The following MAP6 variants were observed in gnomAD, a reference collection of about 807,000 sequenced individuals.
MAP6 encodes the protein microtubule associated protein 6.
In MAP6, 26 loss-of-function variants were observed where a neutral mutation model predicts 42.4. The observed-to-expected ratio is 0.61, with a 90% CI of 0.45 to 0.85. The LOEUF (loss-of-function observed/expected upper bound fraction) is 0.85, where lower values mean the gene tolerates loss of function less well. Among genes scored for constraint, MAP6 ranks in the 40% least tolerant of loss-of-function variants. The pLI, the probability that MAP6 is intolerant of heterozygous loss-of-function variation, is 0.00. For missense variants in MAP6, 966 were observed against 1,099.0 expected, an observed-to-expected ratio of 0.88 and a Z score of 1.71; for synonymous variants, 418 against 443.8, an observed-to-expected ratio of 0.94 and a Z score of 0.73.
chr11:75,648,419 C>A (rs1943596179), intron 1 of MAP6, among the ~76,000 whole-genome samples: 1 of 152,066 alleles, frequency 6.6e-6, no homozygotes, highest in African/African-American at 2.4e-5. Context: ...GATTGCTTGA[C>A]CCTGGAAGGT....
At position 75,587,364 on chromosome 11, in the gene MAP6, C is replaced by T. The variant is rs778895817; in HGVS notation, c.2137G>A (p.Val713Met). The T allele has an allele frequency of 3.5e-5, 56 of 1,613,980 alleles. No homozygotes were observed. The highest frequency in any genetic ancestry group is 1.3e-4 in the East Asian group (6 of 44,888). ...GGGAGAATGGGGTCTTGATTCTTCA[C>T]GGACTCGGGGACCACAGGACCTTGA... ...KNQGPVVPES[V>M]KNQDPILPVL... The change falls in exon 4 of 4, where the codon GTG becomes ATG. Residue 713 changes from valine (V) to methionine (M), a missense_variant. Physicochemically the swap from Val to Met is conservative, Grantham distance 21. This residue lies in a region of MAP6 where 943 missense variants were observed against 1,049.9 expected (regional missense o/e 0.90). Coordinates refer to ENST00000304771, the MANE Select transcript of MAP6 (RefSeq NM_033063.2).
Position 75,667,467 on chromosome 11 carries a change from G to T in MAP6, c.903C>A (p.Tyr301Ter). 1 of 1,501,496 alleles carries T rather than the reference G, an allele frequency of 6.7e-7. No individual in the cohort carries two copies. The highest frequency in any genetic ancestry group is 2.1e-5 in the Admixed American group (1 of 47,170). 93.0% of individuals were successfully genotyped at this position (1,501,496 alleles called of 1,614,324 possible). A position where few individuals can be genotyped will look rare whatever the true frequency, so the allele number is the denominator to read the frequency against. The change falls in exon 1 of 4, where the codon TAC becomes TAA. Residue 301 changes from tyrosine to a stop codon, truncating the protein, a stop_gained and splice_region_variant. Coordinates refer to ENST00000304771, the MANE Select transcript of MAP6 (RefSeq NM_033063.2). LOFTEE classifies it high-confidence loss of function. This position sits in a 1 kb window ranked among gnomAD's most constrained non-coding sequence, Gnocchi z 5.6. ...EEVASAVSSS[Y>*]RNEFRAWTDI... Reference sequence around the variant, plus strand: ...CGCTAGCAGCGGCCGCGTCTCACCTGTAGGAGCTGCTCACTGCACTCGCCA... The same window carrying T: ...CGCTAGCAGCGGCCGCGTCTCACCTTTAGGAGCTGCTCACTGCACTCGCCA...
rs1220232996 is a variant in MAP6, at chr11:75,587,041, TGTGTCAAGGGGTGA to T, written c.*4_*17del. The stretch of plus-strand genomic sequence containing the variant: ...CTCTCACTGTCAGCTCCTTCATTGG[TGTGTCAAGGGGTGA>T]GTGTCAAGGGGAGCTCTCAATGTAT... On this transcript the variant is annotated 3_prime_UTR_variant, in exon 4 of 4. Transcript: ENST00000304771. 6.5e-7 allele frequency: 1 copy of T among 1,537,500 alleles called. No homozygotes were observed. The highest frequency in any genetic ancestry group is 8.7e-7 in the Non-Finnish European group (1 of 1,143,858).
rs753247962 is a variant in MAP6, at chr11:75,587,121, G to A, written c.2380C>T (p.Pro794Ser). Residue 794 changes from proline (P) to serine (S), a missense_variant, in exon 4 of 4, where the codon CCT becomes TCT. Physicochemically the swap from Pro to Ser is moderately conservative, Grantham distance 74. Around this residue, in one of 2 missense-constraint regions of MAP6, gnomAD observed 943 missense variants for 1,049.9 expected, o/e 0.90. Transcript: ENST00000304771. ...GTTGGGATCATGACTCGGGGTAGAG[G>A]TGAGACAGTAGGTAGCTGAGGGTCC... ...PRDPQLPTVSPLPRVMIPTAP... is the reference protein window; with the variant it reads ...PRDPQLPTVSSLPRVMIPTAP... The A allele has an allele frequency of 6.2e-7, 1 of 1,613,216 alleles. No homozygotes were observed.
At chr11:75,607,342 A>G (rs1054383489) in intron 2 of MAP6, 1 of 985,306 alleles carries the variant, frequency 1.0e-6, no homozygotes, top group African/African-American at 1.7e-5. Flanking sequence ...TATTATAGAG[A>G]GGACAGTGGA....
At chr11:75,617,718 C>T (rs1265492159) in intron 1 of MAP6, among the ~76,000 whole-genome samples, 1 of 151,680 alleles carries the variant, frequency 6.6e-6, no homozygotes, top group Non-Finnish European at 1.5e-5. Context: ...ACAAATATAC[C>T]TCAAGTAGAA....
At chr11:75,640,195 CCA>C (rs1565273513) in intron 1 of MAP6, among the ~76,000 whole-genome samples, 1 of 151,192 alleles carries the variant, frequency 6.6e-6, no homozygotes, top group African/African-American at 2.4e-5. Context: ...CCCCACCCCC[CCA>C]CACACACACT....
chr11:75,660,854 A>G (rs989507953), intron 1 of MAP6, among the ~76,000 whole-genome samples: 1 of 152,142 alleles, frequency 6.6e-6, no homozygotes, highest in South Asian at 2.1e-4. Context: ...CACAAAAAGA[A>G]AGCGAATAAT....
chr11:75,668,690 C>T lies in MAP6; in HGVS notation c.-321G>A. On this transcript the variant is annotated 5_prime_UTR_variant, in exon 1 of 4. Coordinates refer to ENST00000304771, the MANE Select transcript of MAP6 (RefSeq NM_033063.2). ...GACGCGCCCCTCCCTGCGGCTGCGG[C>T]GGCGCACAGACCTCGGTCGAGCGAG... 4.5e-6 allele frequency: 1 copy of T among 223,694 alleles called. No individual in the cohort carries two copies. The highest frequency in any genetic ancestry group is 8.7e-6 in the Non-Finnish European group (1 of 114,864). The allele number at this position is 223,694 out of a possible 1,614,324, so 13.9% of individuals were successfully genotyped here.
chr11:75,604,433 C>T (rs978867174), intron 3 of MAP6: 8 of 985,312 alleles, frequency 8.1e-6, no homozygotes, highest in African/African-American at 1.7e-5. Context: ...GAAGAGCAAG[C>T]CTGCGCCGGG....
chr11:75,640,218 C>T (rs1257999537), intron 1 of MAP6, among the ~76,000 whole-genome samples: 1 of 145,424 alleles, frequency 6.9e-6, no homozygotes, highest in African/African-American at 2.6e-5. Context: ...CACACACATA[C>T]ACACACACTC....
intron 1 of MAP6, among the ~76,000 whole-genome samples, chr11:75,608,855 T>G (rs536606813): frequency 2.0e-5 from 3 of 152,246 alleles, no homozygotes; most frequent in Non-Finnish European, 4.4e-5. Context: ...CCCATTTGAA[T>G]AGCAGAGGGC....
chr11:75,656,704 C>T (rs1012045630), intron 1 of MAP6, among the ~76,000 whole-genome samples: 2 of 152,240 alleles, frequency 1.3e-5, no homozygotes, highest in South Asian at 4.1e-4. Flanking sequence ...TTCTCACCAA[C>T]AGGCTGATGT....
At chr11:75,647,883 G>GT (rs752396697) in intron 1 of MAP6, among the ~76,000 whole-genome samples, 5 of 152,132 alleles carry the variant, frequency 3.3e-5, no homozygotes, top group Non-Finnish European at 5.9e-5. Context: ...AAAGAGATCT[G>GT]TCCTGTTAAA....
At chr11:75,665,267 T>G (rs954057858) in intron 1 of MAP6, among the ~76,000 whole-genome samples, 2 of 152,274 alleles carry the variant, frequency 1.3e-5, no homozygotes, top group Middle Eastern at 3.4e-3. Context: ...AGCTGTTGTT[T>G]TGAGGAAAAA....
intron 1 of MAP6, among the ~76,000 whole-genome samples, chr11:75,627,953 T>C (rs75251711): frequency 0.015 from 2,258 of 152,176 alleles, 67 homozygotes; most frequent in East Asian, 0.13. Flanking sequence ...GGAGAGGACG[T>C]TGGCAAGAGC....
chr11:75,589,149 T>TC (rs1445051145), intron 3 of MAP6, among the ~76,000 whole-genome samples: 1 of 152,178 alleles, frequency 6.6e-6, no homozygotes, highest in Non-Finnish European at 1.5e-5. Context: ...ACCTTTGCCC[T>TC]CACCAACTTC....
At chr11:75,610,978 T>TC (rs1197528411) in intron 1 of MAP6, among the ~76,000 whole-genome samples, 1 of 152,118 alleles carries the variant, frequency 6.6e-6, no homozygotes, top group Non-Finnish European at 1.5e-5. Flanking sequence ...TTGGATCCCT[T>TC]CCTCACCCCT....
rs150829636 is a variant in MAP6 at position 75,597,424 on chromosome 11, A to G, written c.1316+8384T>C. Among the ~76,000 whole-genome samples the G allele has an allele frequency of 4.0e-3, 617 of 152,350 alleles. 5 individuals are homozygous for G. Among genetic ancestry groups the G allele is most frequent in the Middle Eastern group, 0.01 (3 of 294 alleles). On this transcript the variant is annotated intron_variant, in intron 3 of 3. Coordinates refer to ENST00000304771, the MANE Select transcript of MAP6 (RefSeq NM_033063.2). ...CTAGGGAGAACTAAATAAATTTCCAATTGTATGAGAAATATTTTTAAAGGC... is the reference window on the plus strand; with the variant it reads ...CTAGGGAGAACTAAATAAATTTCCAGTTGTATGAGAAATATTTTTAAAGGC...
Sources: allele counts gnomAD v4.1 joint callset (sites outside exome capture counted in the v4.1 genomes callset), GRCh38; gene constraint gnomAD v4.1.1; regional missense constraint gnomAD v4.1.1; non-coding constraint Gnocchi (gnomAD v3.1); transcripts MANE v1.5; gene names NCBI Gene and HGNC (gene_info 2026-07-23, HGNC 2026-07-21).